The following SOS2 variants were observed in gnomAD, a reference collection of about 807,000 sequenced individuals.
SOS2 encodes son of sevenless homolog 2.
SOS2 carries 65 observed loss-of-function variants against 148.2 expected under a neutral mutation model. That is an observed-to-expected ratio of 0.44 (90% confidence interval 0.36 to 0.54). The LOEUF (loss-of-function observed/expected upper bound fraction) is 0.54. Ranked by LOEUF, SOS2 falls within the 20% of genes least tolerant of loss-of-function variation. SOS2 has a pLI of 0.00. For missense variants in SOS2, 1,341 were observed against 1,590.2 expected (o/e 0.84, Z 2.67); for synonymous variants, 539 against 537.1 (o/e 1.00, Z -0.05).
chr14:50,158,718 T>G, intron 10 of SOS2, 72 bp from the exon 11 acceptor site: 1 of 953,244 alleles, frequency 1.0e-6, no homozygotes, highest in Non-Finnish European at 1.6e-6. Flanking sequence ...GTACCATATT[T>G]GGAGGCCTTC....
chr14:50,123,653 G>A (rs1883593510), intron 21 of SOS2, among the ~76,000 whole-genome samples: 1 of 151,704 alleles, frequency 6.6e-6, no homozygotes, highest in South Asian at 2.1e-4. Context: ...AAAGTGCTGG[G>A]ATTACAGGGG....
intron 8 of SOS2, among the ~76,000 whole-genome samples, chr14:50,168,808 T>C (rs1594987994): frequency 2.0e-5 from 3 of 152,192 alleles, no homozygotes; most frequent in Non-Finnish European, 4.4e-5. Flanking sequence ...ATCCCTTTAG[T>C]AGTAGAAAAC....
chr14:50,195,004 T>A (rs1258825530), intron 4 of SOS2, among the ~76,000 whole-genome samples: 1 of 151,942 alleles, frequency 6.6e-6, no homozygotes, highest in Non-Finnish European at 1.5e-5. Context: ...ATGACAGAAT[T>A]CAATTTTTAA....
At position 50,149,990 on chromosome 14, in the gene SOS2, T is replaced by C; in HGVS notation, c.2384+18A>G. On this transcript the variant is annotated intron_variant, in intron 14 of 22. Transcript: ENST00000216373. ...AGATTCTTAAAAATAAAGCAAGACATTAACATTAATTGTCTACCTGTAAAG... is the reference window on the plus strand; with the variant it reads ...AGATTCTTAAAAATAAAGCAAGACACTAACATTAATTGTCTACCTGTAAAG... 2 of 1,467,462 alleles carry C rather than the reference T, an allele frequency of 1.4e-6. No homozygotes were observed. Among genetic ancestry groups the C allele is most frequent in the Non-Finnish European group, 1.9e-6 (2 of 1,046,920 alleles). 90.9% of individuals were successfully genotyped at this position (1,467,462 alleles called of 1,614,324 possible).
At chr14:50,149,850 G>A (rs1884606526) in intron 14 of SOS2, among the ~76,000 whole-genome samples, 158 bp downstream of exon 14, 1 of 152,150 alleles carries the variant, frequency 6.6e-6, no homozygotes, top group African/African-American at 2.4e-5. Context: ...TACTTGCAGG[G>A]CAGACTAGTT....
At chr14:50,148,827 T>G (rs1884575264) in intron 14 of SOS2, among the ~76,000 whole-genome samples, 1 of 152,202 alleles carries the variant, frequency 6.6e-6, no homozygotes, top group Non-Finnish European at 1.5e-5. Context: ...AGCACTAAAT[T>G]TTATATATTC....
chr14:50,132,711 G>T (rs1419784041), intron 19 of SOS2, among the ~76,000 whole-genome samples: 1 of 151,980 alleles, frequency 6.6e-6, no homozygotes, highest in Non-Finnish European at 1.5e-5. Context: ...CAGTTTTTTA[G>T]GACGCTCAAG....
At chr14:50,199,523 G>A (rs1886416736) in intron 4 of SOS2, among the ~76,000 whole-genome samples, 168 bp downstream of exon 4, 1 of 152,022 alleles carries the variant, frequency 6.6e-6, no homozygotes, top group Non-Finnish European at 1.5e-5. Flanking sequence ...CCTGCCATAT[G>A]CTTAAAAACC....
chr14:50,203,085 G>A (rs907923049), intron 2 of SOS2, among the ~76,000 whole-genome samples: 2 of 152,108 alleles, frequency 1.3e-5, no homozygotes, highest in African/African-American at 4.8e-5. Context: ...CTTGGGCCCA[G>A]GAGTTCAAGG....
At chr14:50,155,462 C>A (rs1264032532) in intron 12 of SOS2, among the ~76,000 whole-genome samples, 1 of 152,136 alleles carries the variant, frequency 6.6e-6, no homozygotes, top group Non-Finnish European at 1.5e-5. Flanking sequence ...CTACAGTCAC[C>A]TTTCTACCTA....
At chr14:50,193,894 G>A (rs942830103) in intron 4 of SOS2, among the ~76,000 whole-genome samples, 3 of 151,984 alleles carry the variant, frequency 2.0e-5, no homozygotes, top group African/African-American at 7.3e-5. Context: ...ATAGGCAATC[G>A]CCACCACGTC....
chr14:50,227,418 A>AT (rs544052469), intron 1 of SOS2, among the ~76,000 whole-genome samples: 4,272 of 119,192 alleles, frequency 0.036, 92 homozygotes, highest in Non-Finnish European at 0.043. Flanking sequence ...TAATTTTGGT[A>AT]TTTTTTTTTT....
intron 21 of SOS2, 151 bp from the exon 22 acceptor site, chr14:50,120,535 C>T: frequency 1.7e-6 from 1 of 586,138 alleles, no homozygotes; most frequent in Non-Finnish European, 3.0e-6. Context: ...AAGCTTTCTG[C>T]AGGGAGTGTG....
intron 7 of SOS2, among the ~76,000 whole-genome samples, chr14:50,179,262 T>C (rs1885643493): frequency 6.6e-6 from 1 of 152,166 alleles, no homozygotes; most frequent in South Asian, 2.1e-4. Context: ...AAAAACTTTC[T>C]TCACTCTAGT....
chr14:50,220,689 T>C (rs1355432806), intron 1 of SOS2, among the ~76,000 whole-genome samples: 1 of 152,160 alleles, frequency 6.6e-6, no homozygotes, highest in African/African-American at 2.4e-5. Flanking sequence ...AATTAGGTAC[T>C]TTCAGCAGGC....
At position 50,150,165 on chromosome 14, in the gene SOS2, C is replaced by A; in HGVS notation, c.2227G>T (p.Ala743Ser). The change falls in exon 14 of 23, where the codon GCA becomes TCA. Residue 743 changes from alanine to serine, a missense_variant. Transcript: ENST00000216373. ...GTAATATTATGGCTTACTCCGTTTG[C>A]CTGAGCTTGCTTCTTCCTCCTGATG... ...KIIRRKKQAQ[A>S]NGVSHNITFE... is the part of the protein sequence containing the mutation. 1.2e-6 allele frequency: 2 copies of A among 1,613,696 alleles called. No homozygotes were observed. The highest frequency in any genetic ancestry group is 1.7e-6 in the Non-Finnish European group (2 of 1,179,624).
At chr14:50,141,455 A>C (rs910240888) in intron 16 of SOS2, among the ~76,000 whole-genome samples, 1 of 151,852 alleles carries the variant, frequency 6.6e-6, no homozygotes, top group Non-Finnish European at 1.5e-5. Flanking sequence ...TGGGAATAGG[A>C]GGCTGCAGTA....
chr14:50,182,007 A>AC (rs1885757774), intron 6 of SOS2, among the ~76,000 whole-genome samples: 1 of 151,636 alleles, frequency 6.6e-6, no homozygotes, highest in Admixed American at 6.6e-5. Context: ...AAAAAAAAAA[A>AC]ACCTAAATGT....
chr14:50,210,595 A>G (rs1489673337), intron 1 of SOS2, among the ~76,000 whole-genome samples: 1 of 152,152 alleles, frequency 6.6e-6, no homozygotes, highest in Non-Finnish European at 1.5e-5. Flanking sequence ...AAGAAAGTAA[A>G]AAGGCAAGTT....
Sources: allele counts gnomAD v4.1 joint callset (sites outside exome capture counted in the v4.1 genomes callset), GRCh38; gene constraint gnomAD v4.1.1; transcripts MANE v1.5; gene names NCBI Gene and HGNC (gene_info 2026-07-23, HGNC 2026-07-21).